Variants in CCDC7 observed in about 807,000 individuals in gnomAD.
CCDC7 encodes the protein coiled-coil domain containing 7.
CCDC7 carries 183 observed loss-of-function variants against 196.9 expected under a neutral mutation model. The ratio of observed to expected loss-of-function variants is 0.93; its 90% CI spans 0.82 to 1.05. The LOEUF (loss-of-function observed/expected upper bound fraction) is 1.05. Ranked by LOEUF, CCDC7 falls within the 50% of genes least tolerant of loss-of-function variation. CCDC7 has a pLI of 0.00. For missense variants in CCDC7, 1,540 were observed against 1,482.2 expected (o/e 1.04, Z -0.64); for synonymous variants, 525 against 484.6 (o/e 1.08, Z -1.10).
At chr10:32,756,798 A>T (rs2076533792) in intron 28 of CCDC7, among the ~76,000 whole-genome samples, 1 of 152,250 alleles carries the variant, frequency 6.6e-6, no homozygotes, top group African/African-American at 2.4e-5. Flanking sequence ...GTTAAAAGAC[A>T]CAGACTGGCA....
chr10:32,839,195 C>T (rs1342726616), intron 33 of CCDC7, among the ~76,000 whole-genome samples: 2 of 151,746 alleles, frequency 1.3e-5, no homozygotes, highest in South Asian at 2.1e-4. Context: ...TACAGAATGG[C>T]AGAATAGATA....
chr10:32,507,925 G>T (rs116163167), intron 9 of CCDC7, among the ~76,000 whole-genome samples: 1 of 151,996 alleles, frequency 6.6e-6, no homozygotes, highest in Non-Finnish European at 1.5e-5. Flanking sequence ...ACACTCAGTG[G>T]TGAATAGTTG....
intron 20 of CCDC7, among the ~76,000 whole-genome samples, chr10:32,636,110 C>T (rs1191219654): frequency 6.6e-6 from 1 of 152,108 alleles, no homozygotes; most frequent in African/African-American, 2.4e-5. Context: ...AGTTTATTAC[C>T]ACAAAGTGTG....
intron 28 of CCDC7, among the ~76,000 whole-genome samples, chr10:32,759,744 G>T (rs1346069549): frequency 2.6e-5 from 4 of 152,144 alleles, no homozygotes; most frequent in East Asian, 1.9e-4. Context: ...ATTGACAAAT[G>T]GGATCTAATT....
intron 13 of CCDC7, among the ~76,000 whole-genome samples, chr10:32,549,471 GT>G (rs1383498879): frequency 6.6e-6 from 1 of 152,036 alleles, no homozygotes; most frequent in East Asian, 1.9e-4. Context: ...TGGGTTCCTG[GT>G]CATGAAATCC....
intron 18 of CCDC7, among the ~76,000 whole-genome samples, chr10:32,616,787 C>T (rs2138977988): frequency 6.6e-6 from 1 of 151,774 alleles, no homozygotes; most frequent in African/African-American, 2.4e-5. Flanking sequence ...AAGATGTTTG[C>T]TGTGGATTTG....
chr10:32,726,098 G>C (rs1309418281), intron 25 of CCDC7, among the ~76,000 whole-genome samples: 1 of 151,732 alleles, frequency 6.6e-6, no homozygotes, highest in Non-Finnish European at 1.5e-5. Context: ...TTTTGAAAAG[G>C]TTAATATTTC....
chr10:32,651,343 G>GAAAAA lies in CCDC7; in HGVS notation c.2015-12710_2015-12709insAAAAA, dbSNP rs757175993. On this transcript the variant is annotated intron_variant, in intron 20 of 41. Transcript: ENST00000639629. ...TCCTCCCTATTCAGCCTCAGCATGTGAGTCTTTTTTCCATCCACATTTGGT... is the reference window on the plus strand; with the variant it reads ...TCCTCCCTATTCAGCCTCAGCATGTGAAAAAAGTCTTTTTTCCATCCACATTTGGT... Among the ~76,000 whole-genome samples, 1,137 of 152,272 alleles carry GAAAAA rather than the reference G, an allele frequency of 7.5e-3. 9 individuals are homozygous for GAAAAA. Among genetic ancestry groups the GAAAAA allele is most frequent in the Non-Finnish European group, 0.012 (821 of 68,028 alleles).
intron 28 of CCDC7, among the ~76,000 whole-genome samples, chr10:32,778,276 G>T (rs1290904879): frequency 6.6e-6 from 1 of 152,192 alleles, no homozygotes; most frequent in Non-Finnish European, 1.5e-5. Context: ...ATATTGAGAA[G>T]GGTATTTACT....
At chr10:32,506,675 A>T (rs556351286) in intron 9 of CCDC7, among the ~76,000 whole-genome samples, 1 of 152,334 alleles carries the variant, frequency 6.6e-6, no homozygotes, top group East Asian at 1.9e-4. Flanking sequence ...AACACGGCGA[A>T]ACCCCATCTC....
chr10:32,459,335 C>A (rs2035083380), intron 3 of CCDC7, among the ~76,000 whole-genome samples: 1 of 151,342 alleles, frequency 6.6e-6, no homozygotes. Context: ...CTAGAGAGCT[C>A]AAAAGTGGGA....
chr10:32,649,496 A>G (rs1331913919), intron 20 of CCDC7, among the ~76,000 whole-genome samples: 1 of 152,196 alleles, frequency 6.6e-6, no homozygotes, highest in East Asian at 1.9e-4. Context: ...ATTAATTGCC[A>G]TAGGAATGAT....
At chr10:32,567,996 C>T (rs1589996316) in intron 15 of CCDC7, 105 bp downstream of exon 16, 19 of 1,013,956 alleles carry the variant, frequency 1.9e-5, no homozygotes, top group South Asian at 4.9e-5. Context: ...ATTCATGCCT[C>T]TGTTTTTGGG....
chr10:32,489,922 A>T (rs1322897275), intron 8 of CCDC7, among the ~76,000 whole-genome samples: 6 of 151,850 alleles, frequency 4.0e-5, no homozygotes, highest in Non-Finnish European at 8.8e-5. Context: ...GGGTTGGCAC[A>T]ACAGTGGTTC....
intron 20 of CCDC7, 43 bp downstream of exon 21, chr10:32,635,201 T>C (rs1225161278): frequency 1.0e-5 from 4 of 396,822 alleles, no homozygotes; most frequent in African/African-American, 4.1e-5. Flanking sequence ...TTTTCAATTA[T>C]ATTAAACAGC....
At chr10:32,496,144 T>G (rs2042885039) in intron 9 of CCDC7, among the ~76,000 whole-genome samples, 1 of 152,194 alleles carries the variant, frequency 6.6e-6, no homozygotes, top group Admixed American at 6.5e-5. Flanking sequence ...TATTTTATTC[T>G]TTGTAGCAGT....
At chr10:32,760,870 A>G (rs540836875) in intron 28 of CCDC7, among the ~76,000 whole-genome samples, 5 of 152,156 alleles carry the variant, frequency 3.3e-5, no homozygotes, top group African/African-American at 1.2e-4. Flanking sequence ...TGAAATGGAA[A>G]GTAAATAGAA....
At chr10:32,703,768 T>A (rs886768365) in intron 24 of CCDC7, among the ~76,000 whole-genome samples, 1 of 152,124 alleles carries the variant, frequency 6.6e-6, no homozygotes, top group Non-Finnish European at 1.5e-5. Context: ...ATTCATTTGA[T>A]CTTCCATCAC....
chr10:32,662,847 A>G (rs896041949), intron 20 of CCDC7, among the ~76,000 whole-genome samples: 4 of 152,172 alleles, frequency 2.6e-5, no homozygotes, highest in Non-Finnish European at 5.9e-5. Flanking sequence ...GAGTTTGGTA[A>G]ATGATCTTAT....
Sources: allele counts gnomAD v4.1 joint callset (sites outside exome capture counted in the v4.1 genomes callset), GRCh38; gene constraint gnomAD v4.1.1; transcripts MANE v1.5; gene names NCBI Gene and HGNC (gene_info 2026-07-23, HGNC 2026-07-21).